Variants in TRMT9B observed in about 807,000 individuals in gnomAD.
TRMT9B encodes tRNA methyltransferase 9B (putative).
A neutral mutation model predicts 11.5 loss-of-function variants in TRMT9B; 16 were observed. The observed-to-expected ratio is 1.39, with a 90% confidence interval of 0.94 to 2.11. The LOEUF (loss-of-function observed/expected upper bound fraction) is 2.11. TRMT9B is among the 30% of genes most tolerant of loss of function. The pLI is 0.00. For missense variants in TRMT9B, 941 were observed against 553.8 expected (o/e 1.70, Z -7.02); for synonymous variants, 274 against 192.4 (o/e 1.42, Z -3.51).
chr8:12,971,558 T>G (rs1249991793), intron 1 of TRMT9B, among the ~76,000 whole-genome samples: 2 of 152,216 alleles, frequency 1.3e-5, no homozygotes, highest in Admixed American at 6.5e-5. Context: ...CAGTATACAG[T>G]TGACATTAAA....
intron 1 of TRMT9B, among the ~76,000 whole-genome samples, chr8:12,990,111 G>C (rs1807070568): frequency 6.6e-6 from 1 of 152,168 alleles, no homozygotes; most frequent in Non-Finnish European, 1.5e-5. Context: ...AAGAAGTACA[G>C]TTTGTGGCAG....
rs900714312 is a variant in TRMT9B at position 13,021,624 on chromosome 8, T to G, written c.945T>G (p.Ser315=). Residue 315 remains serine, a synonymous_variant, in exon 5 of 5, where the codon TCT becomes TCG. Transcript: ENST00000524591. ...TAGATGAGGAAGTGTTTGTGGAATC[T>G]TCTTCTGGAAAACACTTGGAGTGGC... The part of the protein sequence containing the change: ...QSLDEEVFVE[S]SSGKHLEWLR... 4 of 1,613,842 alleles carry G rather than the reference T, an allele frequency of 2.5e-6. No individual in the cohort carries two copies. The African/African-American group carries it at 5.3e-5, about 22-fold the overall frequency.
intron 3 of TRMT9B, 157 bp from the exon 4 acceptor site, chr8:13,012,527 A>G: frequency 1.1e-6 from 1 of 936,218 alleles, no homozygotes; most frequent in Non-Finnish European, 1.5e-6. Context: ...GTGAACCGAG[A>G]TTGCGCCACT....
intron 3 of TRMT9B, chr8:13,006,816 C>G: frequency 3.3e-6 from 1 of 302,326 alleles, no homozygotes; most frequent in Non-Finnish European, 5.5e-6. Flanking sequence ...TTACAGGCAC[C>G]CGCCACCACG....
Position 13,021,349 on chromosome 8 carries a change from A to G in TRMT9B, c.670A>G (p.Thr224Ala). Residue 224 changes from threonine to alanine, a missense_variant, in exon 5 of 5, where the codon ACC becomes GCC. Physicochemically the swap from Thr to Ala is moderately conservative, Grantham distance 58. Coordinates refer to ENST00000524591, the MANE Select transcript of TRMT9B (RefSeq NM_020844.3). ...SVGYEPAMAR[T>A]CFANISKEGE... ...GGGCTATGAACCTGCTATGGCAAGA[A>G]CCTGTTTTGCAAATATTTCTAAGGA... The G allele has an allele frequency of 6.2e-7, 1 of 1,614,012 alleles. No homozygotes were observed. Among genetic ancestry groups the G allele is most frequent in the South Asian group, 1.1e-5 (1 of 91,082 alleles).
intron 1 of TRMT9B, among the ~76,000 whole-genome samples, chr8:12,965,555 T>G (rs1221138436): frequency 6.6e-6 from 1 of 152,076 alleles, no homozygotes; most frequent in Non-Finnish European, 1.5e-5. Context: ...ACCTGTCTGA[T>G]GACCCGAAAG....
At chr8:12,972,977 C>T (rs933167159) in intron 1 of TRMT9B, among the ~76,000 whole-genome samples, 17 of 152,200 alleles carry the variant, frequency 1.1e-4, no homozygotes, top group African/African-American at 3.9e-4. Context: ...CATTTAAACA[C>T]TAAGCCCCTT....
At position 12,976,760 on chromosome 8, in the gene TRMT9B, T is replaced by A. The variant is rs1006424044; in HGVS notation, c.-199-14074T>A. Among the ~76,000 whole-genome samples the A allele has an allele frequency of 4.6e-5, 7 of 152,130 alleles. No individual in the cohort carries two copies. In the South Asian group the frequency reaches 8.3e-4, roughly 18 times the overall value. Reference sequence around the variant, plus strand: ...CATCCTGGGGTTAGCACTGACAGGATTACCATCCTTAGCCTGAAAGGGAAA... The same window carrying A: ...CATCCTGGGGTTAGCACTGACAGGAATACCATCCTTAGCCTGAAAGGGAAA... On this transcript the variant is annotated intron_variant, in intron 1 of 4. Transcript: ENST00000524591.
intron 2 of TRMT9B, among the ~76,000 whole-genome samples, chr8:13,005,303 G>C (rs991303177): frequency 6.6e-6 from 1 of 152,162 alleles, no homozygotes; most frequent in Non-Finnish European, 1.5e-5. Flanking sequence ...GCGTAGCGGG[G>C]AGGTGGGAGG....
rs757624296 is a variant in TRMT9B at position 12,952,117 on chromosome 8, CT to C, written c.-200+6155del. 401 of 442,492 alleles carry C rather than the reference CT, an allele frequency of 9.1e-4. 6 individuals carry two copies. Among genetic ancestry groups the C allele is most frequent in the Non-Finnish European group, 3.6e-4 (80 of 219,508 alleles). 27.4% of individuals were successfully genotyped at this position (442,492 alleles called of 1,614,324 possible). Reference sequence around the variant, plus strand: ...GCCCTCGGCTCTGATGCAAAAGCAGCTTTTGCCCCTGGCTGCGGGACAGCGC... The same window carrying C: ...GCCCTCGGCTCTGATGCAAAAGCAGCTTTGCCCCTGGCTGCGGGACAGCGC... On this transcript the variant is annotated intron_variant, in intron 1 of 4. Transcript: ENST00000524591.
intron 4 of TRMT9B, among the ~76,000 whole-genome samples, chr8:13,017,147 C>T (rs544578424): frequency 6.6e-6 from 1 of 151,898 alleles, no homozygotes; most frequent in Non-Finnish European, 1.5e-5. Flanking sequence ...TTATCTAGCC[C>T]AAAATGTCAA....
chr8:13,009,316 C>A (rs1811134818), intron 3 of TRMT9B, among the ~76,000 whole-genome samples: 3 of 151,022 alleles, frequency 2.0e-5, no homozygotes, highest in South Asian at 4.2e-4. Flanking sequence ...GAGTATCAAA[C>A]AGAAGGAATT....
At chr8:12,999,842 A>G (rs1305323444) in intron 2 of TRMT9B, among the ~76,000 whole-genome samples, 2 of 152,208 alleles carry the variant, frequency 1.3e-5, no homozygotes, top group African/African-American at 4.8e-5. Context: ...TCACAATATT[A>G]AGTTCAAAAA....
At chr8:12,960,305 A>C (rs577519970) in intron 1 of TRMT9B, 1 of 152,344 alleles carries the variant, frequency 6.6e-6, no homozygotes, top group East Asian at 1.9e-4. Context: ...TTAAGAAAAT[A>C]TATCTGCAAA....
intron 1 of TRMT9B, chr8:12,951,286 G>C (rs969190744): frequency 6.6e-6 from 1 of 152,346 alleles, no homozygotes; most frequent in Non-Finnish European, 1.5e-5. Flanking sequence ...TTATCCCAAT[G>C]AACCGACCCC....
intron 1 of TRMT9B, among the ~76,000 whole-genome samples, chr8:12,973,609 T>C (rs1007407986): frequency 6.6e-6 from 1 of 152,184 alleles, no homozygotes; most frequent in Admixed American, 6.5e-5. Flanking sequence ...GGATCTCATC[T>C]GGAGAGGTGA....
rs1174114666 is a variant in TRMT9B, at chr8:13,024,738, TA to T, written c.*2697del. ...TTTTCATGTACGTTTGACAGGGGTG[TA>T]AATAAAGCATGCTGACTAATAAGTC... On this transcript the variant is annotated 3_prime_UTR_variant, in exon 5 of 5. Transcript: ENST00000524591. 11 of 167,064 alleles carry T rather than the reference TA, an allele frequency of 6.6e-5. No individual in the cohort carries two copies. The highest frequency in any genetic ancestry group is 2.0e-4 in the Admixed American group (3 of 15,286). 10.3% of individuals were successfully genotyped at this position (167,064 alleles called of 1,614,324 possible).
intron 1 of TRMT9B, among the ~76,000 whole-genome samples, chr8:12,968,775 A>G (rs1315177961): frequency 6.6e-6 from 1 of 152,198 alleles, no homozygotes; most frequent in East Asian, 1.9e-4. Context: ...GTCAGTTACT[A>G]GAAGAGGTGC....
At position 13,021,160 on chromosome 8, in the gene TRMT9B, A is replaced by G; in HGVS notation, c.481A>G (p.Asn161Asp). 6.2e-7 allele frequency: 1 copy of G among 1,613,958 alleles called. No homozygotes were observed. The highest frequency in any genetic ancestry group is 8.5e-7 in the Non-Finnish European group (1 of 1,179,836). Residue 161 changes from asparagine to aspartate, a missense_variant, in exon 5 of 5, where the codon AAC becomes GAC. Asn to Asp is a conservative substitution (Grantham distance 23, BLOSUM62 1). Coordinates refer to ENST00000524591, the MANE Select transcript of TRMT9B (RefSeq NM_020844.3). The stretch of plus-strand genomic sequence containing the variant: ...GAAGCAAGACGTGCTTGTTCCATGG[A>G]ACAGGGCTCTGTGTTCCCAGCTCTT... ...FEKQDVLVPW[N>D]RALCSQLFSE...
Sources: gnomAD v4.1 joint callset for allele counts (sites outside exome capture counted in the v4.1 genomes callset) on GRCh38, gnomAD v4.1.1 for gene constraint, MANE v1.5 for transcripts, NCBI Gene and HGNC (gene_info 2026-07-23, HGNC 2026-07-21) for gene names.